The following RUNX2 variants were observed in gnomAD, a reference collection of about 807,000 sequenced individuals.
The protein encoded by RUNX2 is RUNX family transcription factor 2.
Under a neutral mutation model 51.7 loss-of-function variants are expected in RUNX2, and 10 were observed. That is an observed-to-expected ratio of 0.19 (90% CI 0.12 to 0.33). The LOEUF (loss-of-function observed/expected upper bound fraction) is 0.33. RUNX2 is among the 10% of genes least tolerant of loss of function. The pLI is 1.00. For synonymous variants in RUNX2, 276 were observed against 273.6 expected (o/e 1.01, Z -0.09); for missense variants, 562 against 691.3 (o/e 0.81, Z 2.10).
intron 7 of RUNX2, among the ~76,000 whole-genome samples, chr6:45,530,009 A>G (rs1015133398): frequency 3.3e-5 from 5 of 152,218 alleles, no homozygotes; most frequent in African/African-American, 1.2e-4. Context: ...ACTAGGAGAT[A>G]GATTAAAACT....
At chr6:45,448,869 T>A (rs1799078406) in intron 5 of RUNX2, among the ~76,000 whole-genome samples, 1 of 152,218 alleles carries the variant, frequency 6.6e-6, no homozygotes, top group Admixed American at 6.5e-5. Flanking sequence ...AAGGAGATGA[T>A]GAAGGTACCA....
At position 45,422,822 on chromosome 6, in the gene RUNX2, C is replaced by T. The variant is rs1406045203; in HGVS notation, c.288C>T (p.Pro96=). The T allele has an allele frequency of 6.2e-7, 1 of 1,603,668 alleles. No homozygotes were observed. The highest frequency in any genetic ancestry group is 1.3e-5 in the African/African-American group (1 of 74,176). ...CTGCAGTGCCCCGGTTGCGGCCGCC[C>T]CACGACAACCGCACCATGGTGGAGA... The part of the protein sequence containing the change: ...AAAAVPRLRP[P]HDNRTMVEII... The change falls in exon 3 of 9, where the codon CCC becomes CCT. Residue 96 remains proline, a synonymous_variant. Transcript: ENST00000647337.
intron 3 of RUNX2, among the ~76,000 whole-genome samples, chr6:45,423,278 TC>T (rs1318334049): frequency 6.6e-6 from 1 of 151,860 alleles, no homozygotes; most frequent in Non-Finnish European, 1.5e-5. Context: ...CGTCTCCCTT[TC>T]CCCCAGGATC....
At chr6:45,432,610 C>T (rs1039165889) in intron 4 of RUNX2, among the ~76,000 whole-genome samples, 3 of 151,982 alleles carry the variant, frequency 2.0e-5, no homozygotes, top group Non-Finnish European at 2.9e-5. Flanking sequence ...ATGATTAGTA[C>T]TCTAATATTA....
At chr6:45,438,245 C>T (rs568018520) in intron 5 of RUNX2, among the ~76,000 whole-genome samples, 194 bp downstream of exon 5, 2 of 152,092 alleles carry the variant, frequency 1.3e-5, no homozygotes, top group African/African-American at 2.4e-5. Flanking sequence ...ACGGTTTTAA[C>T]CTTTGCCACA....
chr6:45,368,155 C>T (rs920505037), intron 2 of RUNX2, among the ~76,000 whole-genome samples: 1 of 152,138 alleles, frequency 6.6e-6, no homozygotes, highest in African/African-American at 2.4e-5. Context: ...GCAGTTGTTT[C>T]AGCTTTCAAT....
intron 5 of RUNX2, among the ~76,000 whole-genome samples, chr6:45,487,578 G>T (rs1182960998): frequency 6.6e-6 from 1 of 152,040 alleles, no homozygotes; most frequent in Non-Finnish European, 1.5e-5. Context: ...CTAGAGAAAG[G>T]TTTTGCCCAC....
Position 45,422,597 on chromosome 6 carries a change from G to C in RUNX2, c.63G>C (p.Pro21=), listed in dbSNP as rs746920419. The change falls in exon 3 of 9, where the codon CCG becomes CCC. Residue 21 remains proline (P), a synonymous_variant. Coordinates refer to ENST00000647337, the MANE Select transcript of RUNX2 (RefSeq NM_001024630.4). ...TPCQQNFFWD[P]STSRRFSPPS... Reference sequence around the variant, plus strand: ...TTGTGATGCGTATTCCCGTAGATCCGAGCACCAGCCGGCGCTTCAGCCCCC... The same window carrying C: ...TTGTGATGCGTATTCCCGTAGATCCCAGCACCAGCCGGCGCTTCAGCCCCC... 2.1e-5 allele frequency: 33 copies of C among 1,597,708 alleles called. No homozygotes were observed. The South Asian group carries it at 3.5e-4, about 17-fold the overall frequency.
At chr6:45,345,913 C>G (rs1161508796) in intron 2 of RUNX2, among the ~76,000 whole-genome samples, 1 of 152,128 alleles carries the variant, frequency 6.6e-6, no homozygotes, top group African/African-American at 2.4e-5. Context: ...CTATTTGCTC[C>G]AAATGCCTCA....
intron 2 of RUNX2, among the ~76,000 whole-genome samples, chr6:45,357,994 A>G (rs1222281617): frequency 1.3e-5 from 2 of 152,170 alleles, no homozygotes; most frequent in African/African-American, 2.4e-5. Flanking sequence ...TAAATGTAAT[A>G]TTAAACTTCT....
chr6:45,465,197 C>A (rs1799592189), intron 5 of RUNX2, among the ~76,000 whole-genome samples: 1 of 152,084 alleles, frequency 6.6e-6, no homozygotes, highest in African/African-American at 2.4e-5. Flanking sequence ...CCATCCATTT[C>A]TTGTAGGCAT....
intron 5 of RUNX2, among the ~76,000 whole-genome samples, chr6:45,459,136 TAGCTTGGGTTCTTGCCATAAAGAA>T (rs1799402175): frequency 6.6e-6 from 1 of 152,234 alleles, no homozygotes; most frequent in Non-Finnish European, 1.5e-5. Context: ...GAATTTACTT[TAGCTTGGGTTCTTGCCATAAAGAA>T]CCCCAGAGCT....
intron 2 of RUNX2, among the ~76,000 whole-genome samples, chr6:45,332,900 A>G (rs1157619124): frequency 6.6e-6 from 1 of 151,678 alleles, no homozygotes; most frequent in African/African-American, 2.4e-5. Flanking sequence ...ACGTTACCTT[A>G]ATGTACTATT....
intron 6 of RUNX2, among the ~76,000 whole-genome samples, chr6:45,492,678 C>T (rs1159787859): frequency 6.6e-6 from 1 of 152,174 alleles, no homozygotes; most frequent in Non-Finnish European, 1.5e-5. Flanking sequence ...TTCTAGTCAG[C>T]TACTTACTTT....
At chr6:45,463,699 G>A (rs187524053) in intron 5 of RUNX2, among the ~76,000 whole-genome samples, 72 of 152,030 alleles carry the variant, frequency 4.7e-4, no homozygotes, top group African/African-American at 1.2e-3. Context: ...CTTTTCCCTG[G>A]AAAGAATAGG....
intron 5 of RUNX2, among the ~76,000 whole-genome samples, chr6:45,489,306 T>C (rs1653893325): frequency 6.6e-6 from 1 of 152,150 alleles, no homozygotes; most frequent in Non-Finnish European, 1.5e-5. Context: ...TGCTTTAAAA[T>C]TTTTCACACT....
chr6:45,547,388 A>T lies in RUNX2; in HGVS notation c.*83A>T. 1.8e-6 allele frequency: 2 copies of T among 1,105,650 alleles called. No individual in the cohort carries two copies. The allele number at this position is 1,105,650 out of a possible 1,614,324, so 68.5% of individuals were successfully genotyped here. On this transcript the variant is annotated 3_prime_UTR_variant, in exon 9 of 9. Transcript: ENST00000647337. ...ATACATATATAGAGAGAGTGCATAT[A>T]TATGTATATCGATTAGCTATCTACA...
intron 2 of RUNX2, among the ~76,000 whole-genome samples, chr6:45,342,679 A>G (rs1398356342): frequency 6.6e-6 from 1 of 152,182 alleles, no homozygotes; most frequent in East Asian, 1.9e-4. Context: ...TTATTTGCCA[A>G]TATTTTTCAA....
chr6:45,438,702 C>T lies in RUNX2; in HGVS notation c.685+651C>T, dbSNP rs192553440. Among the ~76,000 whole-genome samples, 376 of 152,280 alleles carry T rather than the reference C, an allele frequency of 2.5e-3. 5 individuals are homozygous for T. Among genetic ancestry groups the T allele is most frequent in the African/African-American group, 8.3e-3 (345 of 41,564 alleles). ...TTCACCGGCAATCAGTTTCAGGTAG[C>T]GCACATAATCTACTTGGGCCAATAT... On this transcript the variant is annotated intron_variant, in intron 5 of 8. Transcript: ENST00000647337.
Sources: allele counts gnomAD v4.1 joint callset (sites outside exome capture counted in the v4.1 genomes callset), GRCh38; gene constraint gnomAD v4.1.1; transcripts MANE v1.5; gene names NCBI Gene and HGNC (gene_info 2026-07-23, HGNC 2026-07-21).